Variants in MECR observed in about 807,000 individuals in gnomAD.
MECR encodes mitochondrial trans-2-enoyl-CoA reductase, also known as enoyl-[acyl-carrier-protein] reductase, mitochondrial.
MECR carries 37 observed loss-of-function variants against 49.1 expected under a neutral mutation model. The observed-to-expected ratio is 0.75, with a 90% CI of 0.58 to 0.99. The LOEUF is 0.99. Ranked by LOEUF, MECR falls within the 50% of genes least tolerant of loss-of-function variation. MECR has a pLI of 0.00. For synonymous variants in MECR, 198 were observed against 191.1 expected, an observed-to-expected ratio of 1.04 and a Z score of -0.30; for missense variants, 470 against 479.6, an observed-to-expected ratio of 0.98 and a Z score of 0.19.
intron 3 of MECR, 55 bp from the exon 4 acceptor site, chr1:29,206,960 C>A (rs1676750058): frequency 2.5e-6 from 4 of 1,596,030 alleles, no homozygotes; most frequent in East Asian, 2.2e-5. Flanking sequence ...GCACATTCAA[C>A]CCCAGCTCAC....
chr1:29,185,062 G>C, the MECR span, among the ~76,000 whole-genome samples: 1 of 151,826 alleles, frequency 6.6e-6, no homozygotes, highest in Admixed American at 6.6e-5. Flanking sequence ...GGAGGCGGAG[G>C]CTGCAGTGAG....
intron 7 of MECR, among the ~76,000 whole-genome samples, chr1:29,198,294 C>A (rs1018707813): frequency 6.6e-6 from 1 of 152,204 alleles, no homozygotes; most frequent in Non-Finnish European, 1.5e-5. Flanking sequence ...GTTAGACCAC[C>A]CTTCAGAGGC....
intron 3 of MECR, among the ~76,000 whole-genome samples, 173 bp from the exon 4 acceptor site, chr1:29,207,078 A>C (rs1340123728): frequency 6.6e-6 from 1 of 152,110 alleles, no homozygotes; most frequent in Non-Finnish European, 1.5e-5. Flanking sequence ...GTTCCTCTGA[A>C]TGTCTGAGTC....
chr1:29,202,041 C>G lies in MECR; in HGVS notation c.658G>C (p.Asp220His), dbSNP rs1675445481. 6.2e-7 allele frequency: 1 copy of G among 1,614,004 alleles called. No individual in the cohort carries two copies. The highest frequency in any genetic ancestry group is 8.5e-7 in the Non-Finnish European group (1 of 1,179,992). ...AGTCTGTCACTCAGCTTCTGGATAT[C>G]AGGTCTGGAAACCAAACATAGGTCC... The part of the protein sequence containing the change: ...RTINVVRDRP[D>H]IQKLSDRLKS... The change falls in exon 6 of 10, where the codon GAT becomes CAT. Residue 220 changes from aspartate (D) to histidine (H), a missense_variant. Coordinates refer to ENST00000263702, the MANE Select transcript of MECR (RefSeq NM_016011.5).
the MECR span, among the ~76,000 whole-genome samples, chr1:29,174,434 T>C: frequency 6.6e-6 from 1 of 152,126 alleles, no homozygotes; most frequent in Non-Finnish European, 1.5e-5. Flanking sequence ...AAAATAAAGA[T>C]AACCTAAATG....
At chr1:29,174,599 A>G in the MECR span, among the ~76,000 whole-genome samples, 1 of 151,754 alleles carries the variant, frequency 6.6e-6, no homozygotes, top group Admixed American at 6.6e-5. Flanking sequence ...AATAACTTAT[A>G]GTATGATTCC....
the MECR span, among the ~76,000 whole-genome samples, chr1:29,185,421 G>A: frequency 6.7e-6 from 1 of 148,334 alleles, no homozygotes; most frequent in African/African-American, 2.5e-5. Context: ...GCTAATTTAT[G>A]TATATATATT....
In MECR at chr1:29,230,926, G is replaced by A. The variant is rs755384678; in HGVS notation, c.-20C>T. 3 of 1,566,670 alleles carry A rather than the reference G, an allele frequency of 1.9e-6. No homozygotes were observed. Among genetic ancestry groups the A allele is most frequent in the Non-Finnish European group, 2.6e-6 (3 of 1,162,844 alleles). On this transcript the variant is annotated 5_prime_UTR_variant, in exon 1 of 10. Coordinates refer to ENST00000263702, the MANE Select transcript of MECR (RefSeq NM_016011.5). Reference sequence around the variant, plus strand: ...CCACATGCTCGCTCCAACCAACACAGAGCCTGACGCCCCGGCTACGTCATC... The same window carrying A: ...CCACATGCTCGCTCCAACCAACACAAAGCCTGACGCCCCGGCTACGTCATC...
Position 29,201,457 on chromosome 1 carries a change from C to A in MECR, c.756+486G>T, listed in dbSNP as rs1261360090. 1 of 515,792 alleles carries A rather than the reference C, an allele frequency of 1.9e-6. No homozygotes were observed. The highest frequency in any genetic ancestry group is 2.1e-5 in the Admixed American group (1 of 47,928). 32.0% of individuals were successfully genotyped at this position (515,792 alleles called of 1,614,324 possible). The stretch of plus-strand genomic sequence containing the variant: ...TGAGGCCAGCTCTGACTCTCTGGAG[C>A]CCTTATAAACTATATGATTTTGGTT... On this transcript the variant is annotated intron_variant, in intron 6 of 9. Transcript: ENST00000263702. The surrounding 1 kb of genome is among the most constrained non-coding windows in gnomAD (Gnocchi z 4.3).
At chr1:29,224,151 C>CT (rs1342478221) in intron 1 of MECR, 1 of 152,210 alleles carries the variant, frequency 6.6e-6, no homozygotes, top group African/African-American at 2.4e-5. Flanking sequence ...GCTACATCTG[C>CT]TGACACCAGG....
chr1:29,181,953 A>G, the MECR span: 1 of 405,150 alleles, frequency 2.5e-6, no homozygotes, highest in African/African-American at 2.1e-5. Context: ...GGCGGAAGGT[A>G]ACCGGAGAGA....
chr1:29,226,807 G>A (rs1482037941), intron 1 of MECR, among the ~76,000 whole-genome samples: 1 of 152,026 alleles, frequency 6.6e-6, no homozygotes, highest in Non-Finnish European at 1.5e-5. Context: ...TATACAGGGA[G>A]CATTTAGTCC....
rs80246859 is a variant in MECR at position 29,209,735 on chromosome 1, A to C, written c.407-2830T>G. On this transcript the variant is annotated intron_variant, in intron 3 of 9. Coordinates refer to ENST00000263702, the MANE Select transcript of MECR (RefSeq NM_016011.5). The stretch of plus-strand genomic sequence containing the variant: ...AGAGAGACTCCAGCCTTGGTTCCAC[A>C]GTGTCCTCACTGTGTCACCTTAGGG... Among the ~76,000 whole-genome samples, 72 of 152,324 alleles carry C rather than the reference A, an allele frequency of 4.7e-4. No homozygotes were observed. In the East Asian group the frequency reaches 0.013, roughly 28 times the overall value.
Position 29,201,823 on chromosome 1 carries a change from G to T in MECR, c.756+120C>A. 1 of 893,034 alleles carries T rather than the reference G, an allele frequency of 1.1e-6. No individual in the cohort carries two copies. Among genetic ancestry groups the T allele is most frequent in the Non-Finnish European group, 1.8e-6 (1 of 548,636 alleles). 55.3% of individuals were successfully genotyped at this position (893,034 alleles called of 1,614,324 possible). On this transcript the variant is annotated intron_variant, in intron 6 of 9. Coordinates refer to ENST00000263702, the MANE Select transcript of MECR (RefSeq NM_016011.5). This position sits in a 1 kb window ranked among gnomAD's most constrained non-coding sequence, Gnocchi z 4.3. ...GGGAATGGGCTTTAACCAACCAAGA[G>T]GCAAAGGGAGGTTTCCAGAGAGGAA...
chr1:29,184,254 C>A, the MECR span, among the ~76,000 whole-genome samples: 1 of 145,772 alleles, frequency 6.9e-6, no homozygotes, highest in South Asian at 2.1e-4. Context: ...TGGCTCACTG[C>A]AGTCTCTGCC....
At chr1:29,186,941 A>G in the MECR span, among the ~76,000 whole-genome samples, 1 of 152,092 alleles carries the variant, frequency 6.6e-6, no homozygotes, top group Non-Finnish European at 1.5e-5. Context: ...AATTTCTAAG[A>G]ATCTCTTTTT....
At chr1:29,216,559 T>C in intron 2 of MECR, 29 bp downstream of exon 2, 2 of 1,608,696 alleles carry the variant, frequency 1.2e-6, no homozygotes, top group Non-Finnish European at 8.5e-7. Flanking sequence ...AAAAAGCCAA[T>C]TAACATAAGC....
rs370070972 is a variant in MECR, at chr1:29,230,914, C to A, written c.-8G>T. 1.2e-5 allele frequency: 19 copies of A among 1,588,794 alleles called. No individual in the cohort carries two copies. The East Asian group carries it at 2.3e-4, about 19-fold the overall frequency. On this transcript the variant is annotated 5_prime_UTR_variant, in exon 1 of 10. Transcript: ENST00000263702. ...GGTACTGCAGACCCACATGCTCGCT[C>A]CAACCAACACAGAGCCTGACGCCCC... is the stretch of plus-strand genomic sequence containing the variant.
In MECR at chr1:29,216,208, G is replaced by A. The variant is rs1056653266; in HGVS notation, c.275-72C>T. 2.0e-5 allele frequency: 31 copies of A among 1,559,190 alleles called. No individual in the cohort carries two copies. In the South Asian group the frequency reaches 2.9e-4, roughly 15 times the overall value. ...TGAAAGAGCATGGACTTGAGTCCAC[G>A]CCATCCTAGGCCTGATCTGGGCTCT... On this transcript the variant is annotated intron_variant, in intron 2 of 9. Transcript: ENST00000263702.
Sources: gnomAD v4.1 joint callset for allele counts (sites outside exome capture counted in the v4.1 genomes callset) on GRCh38, gnomAD v4.1.1 for gene constraint, Gnocchi (gnomAD v3.1) non-coding constraint, MANE v1.5 for transcripts, NCBI Gene and HGNC (gene_info 2026-07-23, HGNC 2026-07-21) for gene names.